USP54: variants seen among roughly 807,000 people sequenced by gnomAD.
The protein encoded by USP54 is ubiquitin carboxyl-terminal hydrolase 54.
In USP54, 87 loss-of-function variants were observed where a neutral mutation model predicts 170.5. The observed-to-expected ratio is 0.51, with a 90% confidence interval of 0.43 to 0.61. The LOEUF (loss-of-function observed/expected upper bound fraction) is 0.61, where lower values mean the gene tolerates loss of function less well. USP54 is among the 20% of genes least tolerant of loss of function. The pLI is 0.00. For missense variants in USP54, 1,786 were observed against 2,047.8 expected (o/e 0.87, Z 2.47); for synonymous variants, 655 against 742.8 (o/e 0.88, Z 1.92).
chr10:73,517,032 G>A lies in USP54; in HGVS notation c.3394C>T (p.Leu1132=), dbSNP rs775939342. The A allele has an allele frequency of 6.8e-6, 11 of 1,614,108 alleles. No individual in the cohort carries two copies. The highest frequency in any genetic ancestry group is 8.5e-7 in the Non-Finnish European group (1 of 1,180,054). ...TGCATCCTCTGGAACTGCTCAGCCA[G>A]AGAACGGACAAGCCCCTTTGTGCTG... The part of the protein sequence containing the change: ...FPSTKGLVRS[L]AEQFQRMQGV... The change falls in exon 20 of 24, where the codon CTG becomes TTG. Residue 1132 remains leucine (L), a synonymous_variant. Coordinates refer to ENST00000687698, the MANE Select transcript of USP54 (RefSeq NM_001391956.1).
intron 20 of USP54, among the ~76,000 whole-genome samples, chr10:73,509,685 T>C (rs1407841404): frequency 2.0e-5 from 3 of 152,000 alleles, no homozygotes; most frequent in Non-Finnish European, 4.4e-5. Flanking sequence ...AATAATATAA[T>C]ATCAGAGATT....
intron 4 of USP54, among the ~76,000 whole-genome samples, chr10:73,552,904 C>T (rs929386412): frequency 1.3e-5 from 2 of 152,270 alleles, no homozygotes; most frequent in Middle Eastern, 3.4e-3. Context: ...AGTCATTTCA[C>T]GTTGCTAAAG....
intron 1 of USP54, among the ~76,000 whole-genome samples, chr10:73,579,871 A>G (rs904700537): frequency 2.0e-5 from 3 of 152,228 alleles, no homozygotes; most frequent in Non-Finnish European, 4.4e-5. Flanking sequence ...ACATGGAAAG[A>G]TGTTCAACAT....
At chr10:73,577,436 T>C (rs1229402312) in intron 1 of USP54, among the ~76,000 whole-genome samples, 5 of 152,228 alleles carry the variant, frequency 3.3e-5, no homozygotes, top group African/African-American at 4.8e-5. Flanking sequence ...ATTAAAGTAT[T>C]TGATTATACA....
intron 1 of USP54, among the ~76,000 whole-genome samples, chr10:73,609,568 G>A (rs538001067): frequency 9.9e-5 from 15 of 152,032 alleles, no homozygotes; most frequent in Non-Finnish European, 1.6e-4. Context: ...AAAAATTGCC[G>A]GGCATGGTGG....
At chr10:73,620,760 A>T (rs2081028053) in intron 1 of USP54, among the ~76,000 whole-genome samples, 1 of 150,436 alleles carries the variant, frequency 6.6e-6, no homozygotes, top group Non-Finnish European at 1.5e-5. Context: ...CAACATGGTG[A>T]AACCCTGTCT....
intron 5 of USP54, among the ~76,000 whole-genome samples, chr10:73,543,613 G>A (rs989959604): frequency 9.9e-5 from 15 of 152,090 alleles, no homozygotes; most frequent in Admixed American, 5.9e-4. Flanking sequence ...TGATCCGCCC[G>A]CCCCAGGCTC....
At chr10:73,554,024 C>T (rs2070324875) in intron 4 of USP54, among the ~76,000 whole-genome samples, 2 of 152,206 alleles carry the variant, frequency 1.3e-5, no homozygotes, top group Non-Finnish European at 2.9e-5. Flanking sequence ...AGTCTTTATG[C>T]TTCGACATCT....
intron 20 of USP54, among the ~76,000 whole-genome samples, chr10:73,512,440 G>T (rs1321622693): frequency 6.6e-6 from 1 of 152,000 alleles, no homozygotes; most frequent in Non-Finnish European, 1.5e-5. Flanking sequence ...CACCCAGCCT[G>T]TCATGTCACT....
chr10:73,612,118 A>G (rs1308328407), intron 1 of USP54, among the ~76,000 whole-genome samples: 1 of 152,182 alleles, frequency 6.6e-6, no homozygotes, highest in African/African-American at 2.4e-5. Flanking sequence ...TCAAAAATAA[A>G]ATAAAATAGA....
chr10:73,608,306 T>C (rs371288898), intron 1 of USP54, among the ~76,000 whole-genome samples: 5 of 152,246 alleles, frequency 3.3e-5, no homozygotes, highest in Non-Finnish European at 4.4e-5. Flanking sequence ...CTTTCTCTAT[T>C]GTCTCATTTC....
At chr10:73,596,556 C>T (rs926691909) in intron 1 of USP54, among the ~76,000 whole-genome samples, 1 of 146,994 alleles carries the variant, frequency 6.8e-6, no homozygotes, top group Non-Finnish European at 1.5e-5. Flanking sequence ...GAGACTCTGT[C>T]TCAAAAAAAA....
At chr10:73,596,329 G>A (rs187496461), upstream of USP54, among the ~76,000 whole-genome samples, 32 of 151,992 alleles carry the variant, frequency 2.1e-4, 1 homozygote, top group African/African-American at 7.2e-4. Context: ...AGGCCGAGGC[G>A]GGCAGATCAC....
intron 20 of USP54, among the ~76,000 whole-genome samples, chr10:73,508,627 T>G (rs2059623074): frequency 6.6e-6 from 1 of 151,936 alleles, no homozygotes; most frequent in South Asian, 2.1e-4. Context: ...AGCCTCTAGC[T>G]CTAAGTACTA....
intron 12 of USP54, among the ~76,000 whole-genome samples, chr10:73,532,818 GA>G (rs535493084): frequency 2.6e-3 from 398 of 151,592 alleles, no homozygotes; most frequent in African/African-American, 3.3e-3. Flanking sequence ...AAATTGCAAG[GA>G]AAAAAAATAG....
At chr10:73,501,120 T>C (rs75835042) in intron 22 of USP54, among the ~76,000 whole-genome samples, 7,087 of 152,104 alleles carry the variant, frequency 0.047, 506 homozygotes, top group African/African-American at 0.15. Flanking sequence ...TCCTTAATGC[T>C]AACAGTAGAA....
intron 1 of USP54, among the ~76,000 whole-genome samples, chr10:73,621,888 T>C (rs566805337): frequency 5.9e-5 from 9 of 152,230 alleles, no homozygotes; most frequent in South Asian, 4.1e-4. Flanking sequence ...TAGTTCCCCA[T>C]AGGTAGTGTA....
chr10:73,565,449 G>C (rs1332480691), intron 4 of USP54, among the ~76,000 whole-genome samples: 2 of 152,210 alleles, frequency 1.3e-5, no homozygotes, highest in Non-Finnish European at 2.9e-5. Context: ...CCAGGAGGTT[G>C]AGGCTGCAGT....
chr10:73,540,361 G>A (rs1404383257), intron 9 of USP54, among the ~76,000 whole-genome samples: 1 of 151,618 alleles, frequency 6.6e-6, no homozygotes, highest in Non-Finnish European at 1.5e-5. Context: ...ACGAGGTCAG[G>A]AGATCGAGAC....
Sources: allele counts gnomAD v4.1 joint callset (sites outside exome capture counted in the v4.1 genomes callset), GRCh38; gene constraint gnomAD v4.1.1; transcripts MANE v1.5; gene names NCBI Gene and HGNC (gene_info 2026-07-23, HGNC 2026-07-21).